DRP2: variants seen among roughly 807,000 people sequenced by gnomAD.
DRP2 encodes the protein dystrophin-related protein 2.
In DRP2, 29 loss-of-function variants were observed where a neutral mutation model predicts 78.2. The ratio of observed to expected loss-of-function variants is 0.37; its 90% CI spans 0.28 to 0.51. DRP2 has a LOEUF of 0.51. Ranked by LOEUF, DRP2 falls within the 20% of genes least tolerant of loss-of-function variation. The pLI is 0.94. For missense variants in DRP2, 686 were observed against 770.6 expected, an observed-to-expected ratio of 0.89 and a Z score of 1.30; for synonymous variants, 290 against 281.9, an observed-to-expected ratio of 1.03 and a Z score of -0.29.
chrX:101,247,309 T>G, intron 12 of DRP2, 145 bp downstream of exon 12: 4 of 477,389 alleles, frequency 8.4e-6, no homozygotes, highest in South Asian at 3.6e-5. Context: ...ATATGCTAGC[T>G]GTCAACTTCT....
intron 1 of DRP2, among the ~76,000 whole-genome samples, chrX:101,221,508 G>A (rs1157696135): frequency 1.8e-5 from 2 of 112,549 alleles, no homozygotes; most frequent in Non-Finnish European, 3.8e-5. Flanking sequence ...GGGTTGGCAG[G>A]CCTCTGTCCT....
chrX:101,221,937 T>A (rs1376117012), intron 1 of DRP2, among the ~76,000 whole-genome samples: 1 of 111,988 alleles, frequency 8.9e-6, no homozygotes, highest in African/African-American at 3.2e-5. Context: ...TAAACATGCA[T>A]CAGCAACAAA....
rs1923439438 is a variant in DRP2 at position 101,258,645 on chromosome X, C to T, written c.2628+99C>T. The T allele has an allele frequency of 3.9e-6, 3 of 769,987 alleles. No homozygotes were observed. The Admixed American group carries it at 1.1e-4, about 27-fold the overall frequency. The allele number at this position is 769,987 out of a possible 1,213,427, so 63.5% of individuals were successfully genotyped here. On this transcript the variant is annotated intron_variant, in intron 22 of 23. Transcript: ENST00000395209. Reference sequence around the variant, plus strand: ...GGCAAAGAAGACACAAGAGAGAGCTCCTTGGCAGTGGCTGTCAGGTAACTT... The same window carrying T: ...GGCAAAGAAGACACAAGAGAGAGCTTCTTGGCAGTGGCTGTCAGGTAACTT...
chrX:101,247,065 G>A (rs375071851), intron 11 of DRP2, 25 bp from the exon 12 acceptor site: 3 of 1,198,682 alleles, frequency 2.5e-6, no homozygotes, highest in Non-Finnish European at 3.4e-6. Context: ...TCTGATCTGA[G>A]TGGGTCTCTC....
rs1923293501 is a variant in DRP2, at chrX:101,255,184, G to A, written c.2181G>A (p.Arg727=). The part of the protein sequence containing the change: ...THSRIEHFAS[R]LAEMESQNCS... ...TCCTGCCTCTGCTCTTTATTCCTAG[G>A]CTTGCTGAGATGGAAAGTCAAAATT... The change falls in exon 20 of 24, where the codon AGG becomes AGA. Residue 727 remains arginine, a splice_region_variant and synonymous_variant. Coordinates refer to ENST00000395209, the MANE Select transcript of DRP2 (RefSeq NM_001939.3). 1 of 1,209,023 alleles carries A rather than the reference G, an allele frequency of 8.3e-7. No homozygotes were observed. Among genetic ancestry groups the A allele is most frequent in the African/African-American group, 1.8e-5 (1 of 57,061 alleles).
chrX:101,240,463 T>G lies in DRP2; in HGVS notation c.560-1205T>G, dbSNP rs779488064. On this transcript the variant is annotated intron_variant, in intron 6 of 23. Transcript: ENST00000395209. ...GTTGGCCAGGCTGGTCTTGAACTCT[T>G]GGGCTCAAGTGATCGGCCTGCTTGG... Among the ~76,000 whole-genome samples the G allele has an allele frequency of 4.4e-5, 5 of 112,745 alleles. No individual in the cohort carries two copies. In the South Asian group the frequency reaches 1.8e-3, roughly 42 times the overall value.
At position 101,248,576 on chromosome X, in the gene DRP2, C is replaced by A. The variant is rs190868473; in HGVS notation, c.1517C>A (p.Thr506Lys). 1 of 1,211,447 alleles carries A rather than the reference C, an allele frequency of 8.3e-7. No homozygotes were observed. Among genetic ancestry groups the A allele is most frequent in the Admixed American group, 2.2e-5 (1 of 46,069 alleles). ...FKTGIACLCGTEVKEKLQYLF... is the reference protein window; with the variant it reads ...FKTGIACLCGKEVKEKLQYLF... ...ACTGGCATTGCATGCTTGTGTGGCA[C>A]GGAAGTGAAGGAAAAACTTCAGTGT... is the stretch of plus-strand genomic sequence containing the variant. The change falls in exon 14 of 24, where the codon ACG (threonine) becomes AAG (lysine). Residue 506 changes from threonine (T) to lysine (K), a missense_variant. Physicochemically the swap from Thr to Lys is moderately conservative, Grantham distance 78 (BLOSUM62 -1). Around this residue, in one of 2 missense-constraint regions of DRP2, gnomAD observed 423 missense variants for 531.5 expected, o/e 0.80. Coordinates refer to ENST00000395209, the MANE Select transcript of DRP2 (RefSeq NM_001939.3).
In DRP2 at chrX:101,241,887, T is replaced by C. The variant is rs143515125; in HGVS notation, c.779T>C (p.Ile260Thr). 3.7e-5 allele frequency: 44 copies of C among 1,173,544 alleles called. No homozygotes were observed. The highest frequency in any genetic ancestry group is 9.0e-5 in the African/African-American group (5 of 55,809). Residue 260 changes from isoleucine to threonine, a missense_variant, in exon 7 of 24, where the codon ATT becomes ACT. Transcript: ENST00000395209. Reference protein sequence around the residue: ...AEGVRATWEPIGDLFIDSLPE... With the variant: ...AEGVRATWEPTGDLFIDSLPE... ...GGAGTCCGAGCCACTTGGGAGCCCA[T>C]TGGGGATCTCTTCATTGATTCACTC...
intron 18 of DRP2, 87 bp downstream of exon 18, chrX:101,254,648 A>G: frequency 8.6e-7 from 1 of 1,165,921 alleles, no homozygotes; most frequent in African/African-American, 1.8e-5. Flanking sequence ...CGAGTGGGCT[A>G]GGAGAATGTT....
In DRP2 at chrX:101,254,414, C is replaced by T. The variant is rs779027793; in HGVS notation, c.1978-11C>T. The T allele has an allele frequency of 9.1e-6, 11 of 1,211,758 alleles. No individual in the cohort carries two copies. The East Asian group carries it at 3.3e-4, about 36-fold the overall frequency. On this transcript the variant is annotated splice_polypyrimidine_tract_variant and intron_variant, in intron 17 of 23. Transcript: ENST00000395209. Reference sequence around the variant, plus strand: ...ATTAGGGTAAGTTCCTCTGCCCTGTCTCCTCCTCAGACCACATCCAGTGAG... The same window carrying T: ...ATTAGGGTAAGTTCCTCTGCCCTGTTTCCTCCTCAGACCACATCCAGTGAG...
Position 101,231,692 on chromosome X carries a change from A to T in DRP2, c.45A>T (p.Arg15=). 3 of 1,211,330 alleles carry T rather than the reference A, an allele frequency of 2.5e-6. No homozygotes were observed. Among genetic ancestry groups the T allele is most frequent in the Middle Eastern group, 2.3e-4 (1 of 4,354 alleles). ...AGGGATGCCCTTACACCCTCCCACGATGTCATGACTGGCAGGCAGCTGACC... is the reference window on the plus strand; with the variant it reads ...AGGGATGCCCTTACACCCTCCCACGTTGTCATGACTGGCAGGCAGCTGACC... ...VMQGCPYTLP[R]CHDWQAADQF... The change falls in exon 3 of 24, where the codon CGA becomes CGT. Residue 15 remains arginine, a synonymous_variant. Transcript: ENST00000395209.
chrX:101,255,856 T>C (rs1387505926), intron 20 of DRP2, among the ~76,000 whole-genome samples: 4 of 84,053 alleles, frequency 4.8e-5, no homozygotes, highest in Non-Finnish European at 9.0e-5. Flanking sequence ...GATTTGCTCA[T>C]TGTTTCCCGG....
At chrX:101,254,623 G>T in intron 18 of DRP2, 62 bp downstream of exon 18, 1 of 1,195,875 alleles carries the variant, frequency 8.4e-7, no homozygotes, top group Non-Finnish European at 1.1e-6. Context: ...CGTATGCTGT[G>T]AAGGGGCTGA....
At position 101,264,032 on chromosome X, in the gene DRP2, C is replaced by T. The variant is rs1415915775; in HGVS notation, c.*3411C>T. The T allele has an allele frequency of 8.9e-6, 1 of 112,076 alleles. No homozygotes were observed. Among genetic ancestry groups the T allele is most frequent in the African/African-American group, 3.2e-5 (1 of 30,879 alleles). The allele number at this position is 112,076 out of a possible 1,213,427, so 9.2% of individuals were successfully genotyped here. A position where few individuals can be genotyped will look rare whatever the true frequency, so the allele number is the denominator to read the frequency against. On this transcript the variant is annotated 3_prime_UTR_variant, in exon 24 of 24. Transcript: ENST00000395209. ...AAGAAAGTAGCTGCCTTAACTCGAA[C>T]AGTTCTGGGAAAAAAACTGGGGGCC...
At chrX:101,253,525 T>A (rs902265298) in intron 17 of DRP2, among the ~76,000 whole-genome samples, 28 of 105,220 alleles carry the variant, frequency 2.7e-4, no homozygotes, top group Non-Finnish European at 4.3e-4. Flanking sequence ...AATTTTTTTT[T>A]AATTTTACTT....
At chrX:101,231,882 T>A in intron 3 of DRP2, 118 bp downstream of exon 3, 1 of 539,051 alleles carries the variant, frequency 1.9e-6, no homozygotes, top group Non-Finnish European at 3.1e-6. Flanking sequence ...ATGCAACCCC[T>A]TGGATAGCAT....
rs1569507480 is a variant in DRP2 at position 101,224,182 on chromosome X, G to GTTTTTTTTGTTT, written c.-166-413_-166-402dup. 9.0e-4 allele frequency among the ~76,000 whole-genome samples: 40 copies of GTTTTTTTTGTTT among 44,210 alleles called. 1 individual carries two copies. Among genetic ancestry groups the GTTTTTTTTGTTT allele is most frequent in the African/African-American group, 2.8e-3 (27 of 9,729 alleles). The allele number at this position is 44,210 out of a possible 115,157, so 38.4% of individuals were successfully genotyped here. A position where few individuals can be genotyped will look rare whatever the true frequency, so the allele number is the denominator to read the frequency against. On this transcript the variant is annotated intron_variant, in intron 1 of 23. Coordinates refer to ENST00000395209, the MANE Select transcript of DRP2 (RefSeq NM_001939.3). ...CCCAAGAATAATAAATGTTTGCTGGGTTTTTTTTGTTTTTTTTTTTTTTTT... is the reference window on the plus strand; with the variant it reads ...CCCAAGAATAATAAATGTTTGCTGGGTTTTTTTTGTTTTTTTTTTTGTTTTTTTTTTTTTTTT...
In DRP2 at chrX:101,250,955, G is replaced by T; in HGVS notation, c.1737G>T (p.Leu579=). ...GKPVIEASQF[L]EWVNLEPQSM... ...CAGTCATTGAAGCATCCCAGTTCCTGGAGTGGGTCAACCTGGAGCCCCAGT... is the reference window on the plus strand; with the variant it reads ...CAGTCATTGAAGCATCCCAGTTCCTTGAGTGGGTCAACCTGGAGCCCCAGT... Residue 579 remains leucine (L), a synonymous_variant, in exon 16 of 24, where the codon CTG becomes CTT. Transcript: ENST00000395209. 1.7e-6 allele frequency: 2 copies of T among 1,211,819 alleles called. No homozygotes were observed. Among genetic ancestry groups the T allele is most frequent in the Non-Finnish European group, 2.2e-6 (2 of 895,549 alleles).
intron 8 of DRP2, 83 bp downstream of exon 8, chrX:101,242,554 A>G: frequency 9.1e-7 from 1 of 1,094,073 alleles, no homozygotes; most frequent in South Asian, 2.1e-5. Context: ...GGGTATGGAA[A>G]TAGGATCTGC....
Sources: allele counts gnomAD v4.1 joint callset (sites outside exome capture counted in the v4.1 genomes callset), GRCh38; gene constraint gnomAD v4.1.1; regional missense constraint gnomAD v4.1.1; transcripts MANE v1.5; gene names NCBI Gene and HGNC (gene_info 2026-07-23, HGNC 2026-07-21).